Variants in KIF13B observed in about 807,000 individuals in gnomAD.
KIF13B encodes the protein kinesin-like protein KIF13B.
A neutral mutation model predicts 222.0 loss-of-function variants in KIF13B; 127 were observed. The ratio of observed to expected loss-of-function variants is 0.57; its 90% confidence interval spans 0.50 to 0.66. The LOEUF is 0.66. Ranked by LOEUF, KIF13B falls within the 30% of genes least tolerant of loss-of-function variation. The pLI, the probability that KIF13B is intolerant of heterozygous loss-of-function variation, is 0.00. For synonymous variants in KIF13B, 976 were observed against 919.0 expected (o/e 1.06, Z -1.12); for missense variants, 2,173 against 2,379.0 (o/e 0.91, Z 1.80).
chr8:29,188,450 A>G lies in KIF13B; in HGVS notation c.316+65T>C, dbSNP rs1021649020. On this transcript the variant is annotated intron_variant, in intron 5 of 39. Transcript: ENST00000524189. Reference sequence around the variant, plus strand: ...TAAATCAGCAATGTTACTCAGTAAAATAAACATGGTTCTATTTTCTTTCAT... The same window carrying G: ...TAAATCAGCAATGTTACTCAGTAAAGTAAACATGGTTCTATTTTCTTTCAT... 5.4e-5 allele frequency: 56 copies of G among 1,038,898 alleles called. 1 individual carries two copies. In the East Asian group the frequency reaches 1.4e-3, roughly 25 times the overall value. The allele number at this position is 1,038,898 out of a possible 1,614,324, so 64.4% of individuals were successfully genotyped here. A position where few individuals can be genotyped will look rare whatever the true frequency, so the allele number is the denominator to read the frequency against.
chr8:29,168,778 G>A (rs151002680), intron 10 of KIF13B, among the ~76,000 whole-genome samples: 33 of 152,238 alleles, frequency 2.2e-4, no homozygotes, highest in Non-Finnish European at 4.1e-4. Context: ...GAAACAACCC[G>A]GCTAGAGCCA....
At chr8:29,252,296 G>A (rs1816314570) in intron 1 of KIF13B, among the ~76,000 whole-genome samples, 1 of 152,178 alleles carries the variant, frequency 6.6e-6, no homozygotes, top group Admixed American at 6.5e-5. Flanking sequence ...GCTATGGCTA[G>A]CACCCAGTGA....
At chr8:29,080,450 C>T (rs1490680778) in intron 37 of KIF13B, among the ~76,000 whole-genome samples, 3 of 151,970 alleles carry the variant, frequency 2.0e-5, no homozygotes, top group Admixed American at 2.0e-4. Context: ...CGAAGAGTTC[C>T]GGGAGGCGGG....
intron 2 of KIF13B, among the ~76,000 whole-genome samples, chr8:29,229,528 A>C (rs1815192158): frequency 6.6e-6 from 1 of 152,226 alleles, no homozygotes; most frequent in African/African-American, 2.4e-5. Flanking sequence ...CCTATAAATA[A>C]ATGCTGGTTG....
chr8:29,127,322 T>G (rs561090754), intron 24 of KIF13B, 54 bp from the exon 25 acceptor site: 3 of 1,557,564 alleles, frequency 1.9e-6, no homozygotes, highest in African/African-American at 2.7e-5. Flanking sequence ...TTCCAAAAAT[T>G]TGATTTAGAG....
rs576345554 is a variant in KIF13B, at chr8:29,143,340, G to A, written c.2188-1037C>T. On this transcript the variant is annotated intron_variant, in intron 18 of 39. Coordinates refer to ENST00000524189, the MANE Select transcript of KIF13B (RefSeq NM_015254.4). ...CTCAGAGGCTGAATTTTGTTTTATT[G>A]TAATGGATGGCATCTTCAGGGGGTA... Among the ~76,000 whole-genome samples, 17 of 152,356 alleles carry A rather than the reference G, an allele frequency of 1.1e-4. No individual in the cohort carries two copies. The East Asian group carries it at 3.1e-3, about 28-fold the overall frequency.
At chr8:29,124,548 G>C (rs1333609321) in intron 26 of KIF13B, among the ~76,000 whole-genome samples, 1 of 152,048 alleles carries the variant, frequency 6.6e-6, no homozygotes, top group African/African-American at 2.4e-5. Context: ...GGGAGTTTGA[G>C]GCCAGCCTGG....
In KIF13B at chr8:29,126,481, C is replaced by T; in HGVS notation, c.3252+1G>A. ...GATGAGATTAACAGGTGCTAAATTA[C>T]CTGGTAGCTGTCCATGTCTTCCTCT... On this transcript the variant is annotated splice_donor_variant, in intron 26 of 39. Coordinates refer to ENST00000524189, the MANE Select transcript of KIF13B (RefSeq NM_015254.4). LOFTEE classifies it high-confidence loss of function. 6.5e-7 allele frequency: 1 copy of T among 1,535,090 alleles called. No individual in the cohort carries two copies.
At position 29,177,908 on chromosome 8, in the gene KIF13B, C is replaced by T. The variant is rs117962380; in HGVS notation, c.721-330G>A. Among the ~76,000 whole-genome samples the T allele has an allele frequency of 4.9e-3, 744 of 152,250 alleles. 8 individuals are homozygous for T. The highest frequency in any genetic ancestry group is 7.1e-3 in the Non-Finnish European group (483 of 68,020). On this transcript the variant is annotated intron_variant, in intron 8 of 39. Transcript: ENST00000524189. The stretch of plus-strand genomic sequence containing the variant: ...TGAGCGACACAGTGAGACCCTGTCT[C>T]TTAAAAAACAATACAAAAAGCAGTT...
intron 2 of KIF13B, among the ~76,000 whole-genome samples, chr8:29,229,141 G>A (rs1033556174): frequency 1.4e-5 from 2 of 144,988 alleles, no homozygotes; most frequent in East Asian, 2.0e-4. Context: ...CCCTTATCAG[G>A]ACACCCTTCT....
chr8:29,093,492 C>T (rs1416644318), intron 36 of KIF13B, among the ~76,000 whole-genome samples: 2 of 152,104 alleles, frequency 1.3e-5, no homozygotes, highest in African/African-American at 4.8e-5. Flanking sequence ...AAGACTTCTT[C>T]CCCCTATTAA....
intron 2 of KIF13B, among the ~76,000 whole-genome samples, chr8:29,209,911 G>A (rs1814134806): frequency 6.8e-6 from 1 of 147,912 alleles, no homozygotes; most frequent in South Asian, 2.1e-4. Flanking sequence ...AAAAATAGCT[G>A]GGTGTGGTGA....
At chr8:29,122,871 T>G (rs1340020271) in intron 28 of KIF13B, among the ~76,000 whole-genome samples, 1 of 152,254 alleles carries the variant, frequency 6.6e-6, no homozygotes, top group African/African-American at 2.4e-5. Flanking sequence ...ACTACCTGTT[T>G]GTAGTGAAGT....
intron 12 of KIF13B, among the ~76,000 whole-genome samples, chr8:29,162,393 GGTCTTCAAATCAA>G (rs1409446829): frequency 1.3e-5 from 2 of 152,016 alleles, no homozygotes; most frequent in African/African-American, 4.8e-5. Context: ...TTTGGTCCTG[GGTCTTCAAATCAA>G]GTCTTTAAAT....
chr8:29,074,820 A>C (rs1033339050), intron 38 of KIF13B, among the ~76,000 whole-genome samples: 2 of 152,276 alleles, frequency 1.3e-5, no homozygotes, highest in African/African-American at 4.8e-5. Context: ...AGAGAATGAA[A>C]GCGCAGTGGG....
At chr8:29,231,389 T>A (rs1815279228) in intron 2 of KIF13B, among the ~76,000 whole-genome samples, 1 of 152,250 alleles carries the variant, frequency 6.6e-6, no homozygotes, top group African/African-American at 2.4e-5. Context: ...ATGAAACGTC[T>A]GGCTCCTCCC....
intron 33 of KIF13B, among the ~76,000 whole-genome samples, 199 bp from the exon 34 acceptor site, chr8:29,109,710 T>A (rs915057937): frequency 6.6e-6 from 1 of 152,230 alleles, no homozygotes; most frequent in Non-Finnish European, 1.5e-5. Flanking sequence ...ATCTACTATG[T>A]ACCCATAAAC....
intron 2 of KIF13B, among the ~76,000 whole-genome samples, chr8:29,238,032 C>A (rs936743310): frequency 5.3e-5 from 8 of 152,198 alleles, no homozygotes; most frequent in African/African-American, 1.7e-4. Flanking sequence ...TCCAGAGGAG[C>A]AGACTCTATT....
intron 1 of KIF13B, among the ~76,000 whole-genome samples, chr8:29,251,610 G>A (rs12682460): frequency 0.21 from 31,584 of 151,930 alleles, 4,523 homozygotes; most frequent in East Asian, 0.59. Flanking sequence ...GGGGTTGGGG[G>A]AAAATGAGAA....
Sources: gnomAD v4.1 joint callset for allele counts (sites outside exome capture counted in the v4.1 genomes callset) on GRCh38, gnomAD v4.1.1 for gene constraint, MANE v1.5 for transcripts, NCBI Gene and HGNC (gene_info 2026-07-23, HGNC 2026-07-21) for gene names.